Variants in MAD1L1 observed in about 807,000 individuals in gnomAD.
The protein encoded by MAD1L1 is mitotic arrest deficient 1 like 1, also known as mitotic spindle assembly checkpoint protein MAD1.
A neutral mutation model predicts 96.9 loss-of-function variants in MAD1L1; 95 were observed. The ratio of observed to expected loss-of-function variants is 0.98; its 90% confidence interval spans 0.83 to 1.16. MAD1L1 has a LOEUF of 1.16. Ranked by LOEUF, MAD1L1 falls within the 50% of genes most tolerant of loss-of-function variation. The pLI is 0.00. For synonymous variants in MAD1L1, 473 were observed against 396.6 expected, an observed-to-expected ratio of 1.19 and a Z score of -2.29; for missense variants, 1,007 against 954.4, an observed-to-expected ratio of 1.06 and a Z score of -0.73.
intron 11 of MAD1L1, among the ~76,000 whole-genome samples, chr7:2,083,519 G>A (rs985628662): frequency 3.9e-5 from 6 of 152,222 alleles, no homozygotes; most frequent in East Asian, 3.8e-4. Context: ...CTCAGCACTC[G>A]GGCAGGTAAA....
At chr7:1,890,178 C>T (rs1238846778) in intron 18 of MAD1L1, among the ~76,000 whole-genome samples, 1 of 152,214 alleles carries the variant, frequency 6.6e-6, no homozygotes, top group Non-Finnish European at 1.5e-5. Context: ...GAGGGTCTCA[C>T]CCCAGGACCA....
At chr7:1,926,540 C>T (rs1195901474) in intron 17 of MAD1L1, among the ~76,000 whole-genome samples, 2 of 151,914 alleles carry the variant, frequency 1.3e-5, no homozygotes, top group Admixed American at 6.6e-5. Context: ...GGGTTTATTC[C>T]AGGAATGCAG....
At chr7:1,947,058 T>C (rs966768254) in intron 16 of MAD1L1, among the ~76,000 whole-genome samples, 1 of 152,194 alleles carries the variant, frequency 6.6e-6, no homozygotes, top group Non-Finnish European at 1.5e-5. Context: ...GCTTCCCATC[T>C]GTGAGGGTGA....
In MAD1L1 at chr7:1,892,927, T is replaced by C. The variant is rs544558671; in HGVS notation, c.1998+5273A>G. Among the ~76,000 whole-genome samples the C allele has an allele frequency of 2.6e-5, 4 of 152,268 alleles. No homozygotes were observed. The East Asian group carries it at 7.7e-4, about 29-fold the overall frequency. Reference sequence around the variant, plus strand: ...TTCTTCTTACCACTGATTTTCTCCCTCTCGTAACAGAAGGCTTCCTTCCCT... The same window carrying C: ...TTCTTCTTACCACTGATTTTCTCCCCCTCGTAACAGAAGGCTTCCTTCCCT... On this transcript the variant is annotated intron_variant, in intron 18 of 18. Transcript: ENST00000265854.
At chr7:1,821,887 C>A (rs866513402) in intron 18 of MAD1L1, among the ~76,000 whole-genome samples, 2 of 152,178 alleles carry the variant, frequency 1.3e-5, no homozygotes, top group Non-Finnish European at 2.9e-5. Flanking sequence ...TTTCCCCACT[C>A]ATCCTCAACC....
chr7:2,044,936 C>A (rs962044351), intron 12 of MAD1L1, among the ~76,000 whole-genome samples: 1 of 152,182 alleles, frequency 6.6e-6, no homozygotes, highest in Non-Finnish European at 1.5e-5. Context: ...CACCTCCCCA[C>A]TCTGATGAGC....
chr7:1,931,830 T>C (rs1375957337), intron 17 of MAD1L1, among the ~76,000 whole-genome samples: 5 of 152,220 alleles, frequency 3.3e-5, no homozygotes, highest in Admixed American at 3.3e-4. Flanking sequence ...GAGCCAATGG[T>C]CGTCCTGCTT....
intron 17 of MAD1L1, 98 bp from the exon 18 acceptor site, chr7:1,898,488 G>A: frequency 9.7e-7 from 1 of 1,026,430 alleles, no homozygotes; most frequent in Non-Finnish European, 1.4e-6. Flanking sequence ...AGTACAGGTG[G>A]GAGTGGCGGC....
intron 18 of MAD1L1, among the ~76,000 whole-genome samples, chr7:1,888,365 C>T (rs4552798): frequency 0.55 from 80,920 of 146,310 alleles, 21,822 homozygotes; most frequent in South Asian, 0.65. Flanking sequence ...TGCATGCATG[C>T]GTGTATGTGG....
rs140044606 is a variant in MAD1L1 at position 2,199,660 on chromosome 7, G to A, written c.986+13552C>T. Among the ~76,000 whole-genome samples, 594 of 152,352 alleles carry A rather than the reference G, an allele frequency of 3.9e-3. 7 individuals carry two copies. The highest frequency in any genetic ancestry group is 6.7e-3 in the Admixed American group (103 of 15,302). On this transcript the variant is annotated intron_variant, in intron 10 of 18. Coordinates refer to ENST00000265854, the MANE Select transcript of MAD1L1 (RefSeq NM_001013836.2). ...CGGGCAGGGGTGCCTCCCAGACAACGGAAACCAGACGAGGGCCAGGCCAGG... is the reference window on the plus strand; with the variant it reads ...CGGGCAGGGGTGCCTCCCAGACAACAGAAACCAGACGAGGGCCAGGCCAGG...
At chr7:1,914,285 G>C (rs1441845649) in intron 17 of MAD1L1, among the ~76,000 whole-genome samples, 2 of 152,224 alleles carry the variant, frequency 1.3e-5, no homozygotes, top group African/African-American at 4.8e-5. Flanking sequence ...AGGACCGCAC[G>C]TGGGAAGGGA....
chr7:2,137,316 C>T (rs1468150207), intron 11 of MAD1L1, among the ~76,000 whole-genome samples: 1 of 152,210 alleles, frequency 6.6e-6, no homozygotes, highest in African/African-American at 2.4e-5. Flanking sequence ...CTTTTGGGGG[C>T]CAAGAAAGAT....
At chr7:2,080,838 C>T (rs753521879) in intron 11 of MAD1L1, among the ~76,000 whole-genome samples, 3 of 152,178 alleles carry the variant, frequency 2.0e-5, no homozygotes, top group Admixed American at 6.5e-5. Context: ...GAGACGTTTT[C>T]GCCTCATTTC....
chr7:2,051,214 A>G (rs7787359), intron 12 of MAD1L1, among the ~76,000 whole-genome samples: 52,651 of 152,046 alleles, frequency 0.35, 9,921 homozygotes, highest in African/African-American at 0.49. Context: ...AGGCTGGGCT[A>G]AAGCCACCTG....
chr7:2,011,555 G>A (rs1176239070), intron 13 of MAD1L1, among the ~76,000 whole-genome samples: 2 of 152,300 alleles, frequency 1.3e-5, no homozygotes, highest in East Asian at 3.9e-4. Flanking sequence ...GGAAAGGCAG[G>A]GCACAGGCTC....
intron 18 of MAD1L1, among the ~76,000 whole-genome samples, chr7:1,850,653 A>G (rs1783920854): frequency 6.6e-6 from 1 of 152,156 alleles, no homozygotes; most frequent in South Asian, 2.1e-4. Flanking sequence ...CCCCAAAGCC[A>G]TGGTTGCCCA....
At chr7:1,885,164 C>A (rs1016041969) in intron 18 of MAD1L1, among the ~76,000 whole-genome samples, 1 of 152,140 alleles carries the variant, frequency 6.6e-6, no homozygotes, top group African/African-American at 2.4e-5. Flanking sequence ...CCTCGCTGCT[C>A]CAGCCTCAGA....
At position 2,214,977 on chromosome 7, in the gene MAD1L1, A is replaced by G. The variant is rs187116362; in HGVS notation, c.924+908T>C. ...TGCGGCACAGAGGCTCACGCCTGTCATCTCAGCACTTTGGGAGGCAAAGGC... is the reference window on the plus strand; with the variant it reads ...TGCGGCACAGAGGCTCACGCCTGTCGTCTCAGCACTTTGGGAGGCAAAGGC... On this transcript the variant is annotated intron_variant, in intron 9 of 18. Coordinates refer to ENST00000265854, the MANE Select transcript of MAD1L1 (RefSeq NM_001013836.2). Among the ~76,000 whole-genome samples, 424 of 152,306 alleles carry G rather than the reference A, an allele frequency of 2.8e-3. 1 individual carries two copies. Among genetic ancestry groups the G allele is most frequent in the Non-Finnish European group, 4.4e-3 (301 of 68,006 alleles).
At chr7:2,028,132 A>C (rs1783062675) in intron 12 of MAD1L1, among the ~76,000 whole-genome samples, 1 of 152,200 alleles carries the variant, frequency 6.6e-6, no homozygotes, top group East Asian at 1.9e-4. Context: ...AGAGAAAATA[A>C]GTATGACCTA....
Sources: allele counts gnomAD v4.1 joint callset (sites outside exome capture counted in the v4.1 genomes callset), GRCh38; gene constraint gnomAD v4.1.1; transcripts MANE v1.5; gene names NCBI Gene and HGNC (gene_info 2026-07-23, HGNC 2026-07-21).